ABCA4: variants seen among roughly 807,000 people sequenced by gnomAD.
ABCA4 encodes the protein ATP binding cassette subfamily A member 4, also known as retinal-specific phospholipid-transporting ATPase ABCA4.
ABCA4 carries 196 observed loss-of-function variants against 263.7 expected under a neutral mutation model. The ratio of observed to expected loss-of-function variants is 0.74; its 90% CI spans 0.66 to 0.84. The LOEUF is 0.84. Ranked by LOEUF, ABCA4 falls within the 40% of genes least tolerant of loss-of-function variation. ABCA4 has a pLI of 0.00. For synonymous variants in ABCA4, 1,133 were observed against 1,094.2 expected (o/e 1.04, Z -0.70); for missense variants, 2,792 against 2,855.1 (o/e 0.98, Z 0.50).
intron 5 of ABCA4, among the ~76,000 whole-genome samples, chr1:94,099,735 C>T (rs748888057): frequency 6.6e-6 from 1 of 152,152 alleles, no homozygotes; most frequent in Non-Finnish European, 1.5e-5. Context: ...CCGAATAGAA[C>T]ACAATTATTT....
At chr1:94,113,171 G>A (rs569695224) in intron 1 of ABCA4, 105 bp from the exon 2 acceptor site, 5 of 1,075,314 alleles carry the variant, frequency 4.6e-6, no homozygotes, top group East Asian at 2.5e-5. Context: ...GTGTGCAGTA[G>A]GACTTTGGTT....
chr1:94,006,416 A>G (rs947200642), intron 43 of ABCA4, among the ~76,000 whole-genome samples: 4 of 152,150 alleles, frequency 2.6e-5, no homozygotes, highest in African/African-American at 7.2e-5. Context: ...GCTCAGTTTT[A>G]CCTTCTGGAT....
At chr1:94,056,554 T>C in intron 15 of ABCA4, 47 bp downstream of exon 15, 2 of 1,588,382 alleles carry the variant, frequency 1.3e-6, no homozygotes, top group African/African-American at 1.3e-5. Context: ...CTACGGACCC[T>C]TCCAAGGAAA....
intron 11 of ABCA4, among the ~76,000 whole-genome samples, chr1:94,067,197 G>C (rs921269148): frequency 6.6e-6 from 1 of 151,282 alleles, no homozygotes; most frequent in Non-Finnish European, 1.5e-5. Context: ...TTTTGCTACA[G>C]TGCTAATGAC....
At chr1:94,077,019 GC>G (rs1661552702) in intron 11 of ABCA4, among the ~76,000 whole-genome samples, 1 of 152,190 alleles carries the variant, frequency 6.6e-6, no homozygotes, top group Non-Finnish European at 1.5e-5. Flanking sequence ...CTTCTCATCT[GC>G]AAATTGGCAA....
rs138359497 is a variant in ABCA4 at position 94,108,649 on chromosome 1, G to A, written c.370C>T (p.Arg124Cys). 3.9e-5 allele frequency: 63 copies of A among 1,613,934 alleles called. No individual in the cohort carries two copies. The highest frequency in any genetic ancestry group is 2.4e-4 in the African/African-American group (18 of 75,020). The change falls in exon 4 of 50, where the codon CGT becomes TGT. Residue 124 changes from arginine to cysteine, a missense_variant. Coordinates refer to ENST00000370225, the MANE Select transcript of ABCA4 (RefSeq NM_000350.3). ...AAGATGTGTAGCTCTGTCCAAATACGGCCAAGGTGCTGGCTCTCTGGTGCA... is the reference window on the plus strand; with the variant it reads ...AAGATGTGTAGCTCTGTCCAAATACAGCCAAGGTGCTGGCTCTCTGGTGCA... ...MNAPESQHLG[R>C]IWTELHILSQ...
intron 4 of ABCA4, among the ~76,000 whole-genome samples, chr1:94,104,574 C>T (rs1167773830): frequency 6.6e-6 from 1 of 152,218 alleles, no homozygotes; most frequent in Non-Finnish European, 1.5e-5. Context: ...CTTGCGCCAA[C>T]CCCACAGGCC....
At chr1:94,093,769 C>A (rs1662040862) in intron 6 of ABCA4, among the ~76,000 whole-genome samples, 1 of 152,198 alleles carries the variant, frequency 6.6e-6, no homozygotes, top group Non-Finnish European at 1.5e-5. Context: ...CACGAAGGGG[C>A]CTCTCTTCTA....
chr1:94,119,035 C>T (rs1234194940), intron 1 of ABCA4, among the ~76,000 whole-genome samples: 3 of 152,172 alleles, frequency 2.0e-5, no homozygotes, highest in Non-Finnish European at 2.9e-5. Context: ...GATTTTCCTC[C>T]GCAGTCCACA....
intron 1 of ABCA4, among the ~76,000 whole-genome samples, chr1:94,117,774 G>T (rs1662831480): frequency 6.6e-6 from 1 of 152,104 alleles, no homozygotes; most frequent in African/African-American, 2.4e-5. Flanking sequence ...TCTCCACGTT[G>T]TGCTGCACAG....
intron 8 of ABCA4, 93 bp downstream of exon 8, chr1:94,080,385 T>A (rs1661656567): frequency 1.9e-6 from 3 of 1,558,078 alleles, no homozygotes; most frequent in Non-Finnish European, 2.6e-6. Flanking sequence ...ACAAGACAGA[T>A]GCAACCCCAG....
chr1:94,108,407 T>C (rs900064899), intron 4 of ABCA4, among the ~76,000 whole-genome samples, 170 bp downstream of exon 4: 1 of 152,218 alleles, frequency 6.6e-6, no homozygotes, highest in African/African-American at 2.4e-5. Context: ...TCCAGGCTTC[T>C]GTGGAGGAAG....
At chr1:94,026,905 T>C (rs1375097898) in intron 30 of ABCA4, among the ~76,000 whole-genome samples, 1 of 151,696 alleles carries the variant, frequency 6.6e-6, no homozygotes. Context: ...CAGATGTGAA[T>C]AAGAGTGTGG....
chr1:94,062,513 C>A (rs1661154361), intron 13 of ABCA4, 64 bp downstream of exon 13: 19 of 1,532,762 alleles, frequency 1.2e-5, no homozygotes, highest in Admixed American at 1.7e-5. Flanking sequence ...CCCCAGCCCA[C>A]CCCAGCCCAC....
chr1:94,048,720 G>A, intron 18 of ABCA4, 148 bp downstream of exon 18: 2 of 767,294 alleles, frequency 2.6e-6, no homozygotes, highest in East Asian at 5.4e-5. Context: ...GGACCTCTGA[G>A]AAGGGATCTG....
Position 94,120,980 on chromosome 1 carries a change from C to T in ABCA4, c.66G>A (p.Lys22=). The change falls in exon 1 of 50, where the codon AAG becomes AAA. Residue 22 remains lysine (K), a splice_region_variant and synonymous_variant. Transcript: ENST00000370225. ...TTAAACCACAGACAGTAACTGTTAC[C>T]TTTTGCCTTTTCCGCAGGGTCCAGT... The part of the protein sequence containing the change: ...WKNWTLRKRQ[K]IRFVVELVWP... 1 of 1,561,812 alleles carries T rather than the reference C, an allele frequency of 6.4e-7. No individual in the cohort carries two copies. The highest frequency in any genetic ancestry group is 8.7e-7 in the Non-Finnish European group (1 of 1,146,600).
chr1:94,097,921 T>A (rs1211622224), intron 6 of ABCA4, among the ~76,000 whole-genome samples: 2 of 152,018 alleles, frequency 1.3e-5, no homozygotes. Context: ...GGCTAATTTT[T>A]GTGTGTGTGT....
In ABCA4 at chr1:94,031,902, G is replaced by T; in HGVS notation, c.4004C>A (p.Pro1335Gln). ...PAAHPEGQPP[P>Q]EPECPGPQLN... ...CTGCGGGCCTGGGCACTCTGGCTCT[G>T]GGGGAGGCTGGCCCTCTGGGTGAGC... The change falls in exon 27 of 50, where the codon CCA becomes CAA. Residue 1335 changes from proline (P) to glutamine (Q), a missense_variant. Pro to Gln is a moderately conservative substitution (Grantham distance 76). Transcript: ENST00000370225. 1 of 1,614,152 alleles carries T rather than the reference G, an allele frequency of 6.2e-7. No homozygotes were observed. Among genetic ancestry groups the T allele is most frequent in the Non-Finnish European group, 8.5e-7 (1 of 1,180,022 alleles).
intron 6 of ABCA4, among the ~76,000 whole-genome samples, chr1:94,097,966 C>T (rs1662174533): frequency 6.6e-6 from 1 of 152,124 alleles, no homozygotes; most frequent in African/African-American, 2.4e-5. Flanking sequence ...ACCGTGTTAG[C>T]CAGGATGGTC....
Sources: allele counts gnomAD v4.1 joint callset (sites outside exome capture counted in the v4.1 genomes callset), GRCh38; gene constraint gnomAD v4.1.1; transcripts MANE v1.5; gene names NCBI Gene and HGNC (gene_info 2026-07-23, HGNC 2026-07-21).